The following DIS3L2 variants were observed in gnomAD, a reference collection of about 807,000 sequenced individuals.
The protein encoded by DIS3L2 is DIS3 like 3'-5' exoribonuclease 2.
Under a neutral mutation model 97.5 loss-of-function variants are expected in DIS3L2, and 34 were observed. That is an observed-to-expected ratio of 0.35 (90% CI 0.27 to 0.46). The LOEUF is 0.46. Ranked by LOEUF, DIS3L2 falls within the 20% of genes least tolerant of loss-of-function variation. DIS3L2 has a pLI of 1.00. For missense variants in DIS3L2, 1,038 were observed against 1,146.0 expected, an observed-to-expected ratio of 0.91 and a Z score of 1.36; for synonymous variants, 435 against 445.2, an observed-to-expected ratio of 0.98 and a Z score of 0.29.
chr2:232,254,877 G>T (rs1446713140), intron 12 of DIS3L2, among the ~76,000 whole-genome samples: 1 of 152,192 alleles, frequency 6.6e-6, no homozygotes, highest in African/African-American at 2.4e-5. Flanking sequence ...AGTAATGAGA[G>T]TTTGGACTAG....
intron 12 of DIS3L2, among the ~76,000 whole-genome samples, chr2:232,254,376 AG>A (rs376781838): frequency 1.2e-3 from 183 of 152,296 alleles, no homozygotes; most frequent in African/African-American, 3.9e-3. Context: ...GAGCATGCAT[AG>A]GGGAAAAAAT....
At chr2:232,098,574 G>A (rs368812408) in intron 6 of DIS3L2, among the ~76,000 whole-genome samples, 18 of 152,050 alleles carry the variant, frequency 1.2e-4, no homozygotes, top group Non-Finnish European at 1.9e-4. Context: ...AGCTGGTCTC[G>A]AACTCCTGTC....
intron 20 of DIS3L2, chr2:232,336,148 TAGA>T: frequency 6.5e-7 from 1 of 1,534,056 alleles, no homozygotes; most frequent in Non-Finnish European, 8.8e-7. Flanking sequence ...TAGGGTCCTT[TAGA>T]GAACCTGATG....
intron 5 of DIS3L2, among the ~76,000 whole-genome samples, chr2:232,052,654 T>G (rs1695442524): frequency 1.3e-5 from 2 of 152,182 alleles, no homozygotes; most frequent in African/African-American, 4.8e-5. Flanking sequence ...TATACACAGT[T>G]TCCTTTGCTT....
At chr2:232,330,553 C>T in intron 15 of DIS3L2, 137 bp from the exon 16 acceptor site, 1 of 876,202 alleles carries the variant, frequency 1.1e-6, no homozygotes, top group Non-Finnish European at 1.9e-6. Flanking sequence ...CCCACCCATC[C>T]CCTCTGAGCA....
At chr2:232,343,362 T>A (rs1160001670) in exon 14 of DIS3L2, 9 of 1,557,130 alleles carry the variant, frequency 5.8e-6, no homozygotes, top group Non-Finnish European at 7.0e-6. Context: ...CAGACAAGGA[T>A]GGGGCTGCCC....
chr2:232,120,092 T>C (rs1416872274), intron 6 of DIS3L2, among the ~76,000 whole-genome samples: 1 of 152,204 alleles, frequency 6.6e-6, no homozygotes, highest in African/African-American at 2.4e-5. Context: ...TACCATAAGA[T>C]GTAGAACCAT....
intron 10 of DIS3L2, among the ~76,000 whole-genome samples, chr2:232,220,112 AAAATAAAT>A (rs59785632): frequency 0.2 from 27,870 of 138,936 alleles, 3,431 homozygotes; most frequent in East Asian, 0.36. Flanking sequence ...TCTCTACAGA[AAAATAAAT>A]AAATAAATAA....
At chr2:232,320,281 A>T (rs1695392842) in intron 14 of DIS3L2, among the ~76,000 whole-genome samples, 1 of 152,202 alleles carries the variant, frequency 6.6e-6, no homozygotes. Flanking sequence ...GAGCTCTGCC[A>T]AACTCAACAT....
chr2:232,059,781 A>G (rs11680837), intron 5 of DIS3L2, among the ~76,000 whole-genome samples: 2,226 of 152,208 alleles, frequency 0.015, 23 homozygotes, highest in Non-Finnish European at 0.021. Context: ...GTGGCCTCCA[A>G]CTTCATTCAT....
intron 9 of DIS3L2, among the ~76,000 whole-genome samples, chr2:232,174,916 C>G (rs1158108038): frequency 6.6e-6 from 1 of 151,950 alleles, no homozygotes; most frequent in Non-Finnish European, 1.5e-5. Flanking sequence ...TCACAACTCA[C>G]AATTCCAGGC....
At chr2:232,312,091 G>A (rs184478991) in intron 14 of DIS3L2, among the ~76,000 whole-genome samples, 1 of 152,226 alleles carries the variant, frequency 6.6e-6, no homozygotes, top group East Asian at 1.9e-4. Flanking sequence ...CTGGATATCA[G>A]TTCTTTGTTG....
intron 5 of DIS3L2, among the ~76,000 whole-genome samples, chr2:232,077,955 C>CTTTCTTTCTT (rs1553605268): frequency 7.7e-4 from 84 of 108,806 alleles, no homozygotes; most frequent in South Asian, 2.8e-3. Context: ...TTCTTTCTTT[C>CTTTCTTTCTT]TCTTTCTTTC....
chr2:232,280,059 T>TGTC (rs1694243002), intron 13 of DIS3L2, among the ~76,000 whole-genome samples: 1 of 152,252 alleles, frequency 6.6e-6, no homozygotes, highest in Non-Finnish European at 1.5e-5. Context: ...AACCTTTGAC[T>TGTC]AACCCAAGGT....
chr2:232,309,938 C>T (rs556531597), intron 14 of DIS3L2, among the ~76,000 whole-genome samples: 3 of 152,272 alleles, frequency 2.0e-5, no homozygotes, highest in Admixed American at 1.3e-4. Context: ...AATTAGCTTC[C>T]CCCCTGCTTG....
At chr2:232,018,375 A>G (rs536031589) in intron 3 of DIS3L2, among the ~76,000 whole-genome samples, 1 of 152,292 alleles carries the variant, frequency 6.6e-6, no homozygotes, top group Admixed American at 6.5e-5. Context: ...TCCCCCCTAC[A>G]TATGAGAACA....
Position 232,268,373 on chromosome 2 carries a change from C to CAA in DIS3L2, c.1659+4934_1659+4935dup, listed in dbSNP as rs1693902229. 6.6e-6 allele frequency among the ~76,000 whole-genome samples: 1 copy of CAA among 152,164 alleles called. No individual in the cohort carries two copies. Among genetic ancestry groups the CAA allele is most frequent in the African/African-American group, 2.4e-5 (1 of 41,446 alleles). ...AATTATTTTTAAATACCCTGGGACC[C>CAA]AAGCTGCAGTGGAATGCTGTTATGT... On this transcript the variant is annotated intron_variant, in intron 13 of 20. Transcript: ENST00000325385. This position sits in a 1 kb window ranked among gnomAD's most constrained non-coding sequence, Gnocchi z 4.1.
At chr2:232,052,164 A>G (rs1695428491) in intron 5 of DIS3L2, among the ~76,000 whole-genome samples, 2 of 151,972 alleles carry the variant, frequency 1.3e-5, no homozygotes, top group South Asian at 4.2e-4. Context: ...CTGGGATTAC[A>G]GATGCCCATC....
At chr2:232,305,670 T>C (rs1694969539) in intron 14 of DIS3L2, among the ~76,000 whole-genome samples, 1 of 152,152 alleles carries the variant, frequency 6.6e-6, no homozygotes, top group Non-Finnish European at 1.5e-5. Context: ...TAAGATCATC[T>C]TAGGCTGTGC....
Sources: gnomAD v4.1 joint callset for allele counts (sites outside exome capture counted in the v4.1 genomes callset) on GRCh38, gnomAD v4.1.1 for gene constraint, Gnocchi (gnomAD v3.1) non-coding constraint, MANE v1.5 for transcripts, NCBI Gene and HGNC (gene_info 2026-07-23, HGNC 2026-07-21) for gene names.